C9orf153: variants seen among roughly 807,000 people sequenced by gnomAD.
C9orf153 encodes uncharacterized protein C9orf153.
C9orf153 carries 10 observed loss-of-function variants against 9.0 expected under a neutral mutation model. The observed-to-expected ratio is 1.11, with a 90% CI of 0.69 to 1.89. The LOEUF (loss-of-function observed/expected upper bound fraction) is 1.89. C9orf153 is among the 40% of genes most tolerant of loss of function. The pLI, the probability that C9orf153 is intolerant of heterozygous loss-of-function variation, is 0.00. For missense variants in C9orf153, 108 were observed against 111.0 expected (o/e 0.97, Z 0.12); for synonymous variants, 35 against 37.3 (o/e 0.94, Z 0.23).
intron 1 of C9orf153, among the ~76,000 whole-genome samples, chr9:86,235,365 G>A (rs1824558560): frequency 1.3e-5 from 2 of 152,206 alleles, no homozygotes; most frequent in Non-Finnish European, 2.9e-5. Flanking sequence ...GAGAAATGCA[G>A]AATGCCATTG....
intron 3 of C9orf153, chr9:86,227,302 A>G: frequency 7.0e-7 from 1 of 1,430,538 alleles, no homozygotes; most frequent in Non-Finnish European, 9.1e-7. Flanking sequence ...ACATGCCACC[A>G]AGCTCAGCTA....
At chr9:86,257,989 G>A (rs1478324928) in intron 1 of C9orf153, among the ~76,000 whole-genome samples, 1 of 152,188 alleles carries the variant, frequency 6.6e-6, no homozygotes, top group Non-Finnish European at 1.5e-5. Context: ...AGGCCAGATT[G>A]CTTTCTTGTG....
At chr9:86,243,206 C>A (rs1824787603) in intron 1 of C9orf153, among the ~76,000 whole-genome samples, 2 of 152,090 alleles carry the variant, frequency 1.3e-5, no homozygotes, top group African/African-American at 2.4e-5. Context: ...CATGACAGGC[C>A]CTTTGGGAAC....
chr9:86,254,444 C>T (rs1365084252), intron 1 of C9orf153, among the ~76,000 whole-genome samples: 3 of 152,200 alleles, frequency 2.0e-5, no homozygotes, highest in Non-Finnish European at 2.9e-5. Context: ...AAAATCACCA[C>T]AGCAACTTAT....
At chr9:86,240,746 T>A (rs1587804839) in intron 1 of C9orf153, among the ~76,000 whole-genome samples, 1 of 143,400 alleles carries the variant, frequency 7.0e-6, no homozygotes, top group East Asian at 2.1e-4. Context: ...TCTCCCTCTG[T>A]TGCCCAGGCT....
intron 1 of C9orf153, among the ~76,000 whole-genome samples, chr9:86,231,566 CA>C (rs1824469730): frequency 6.9e-6 from 1 of 144,458 alleles, no homozygotes; most frequent in South Asian, 2.1e-4. Flanking sequence ...CACACACACA[CA>C]AAAACACACA....
intron 3 of C9orf153, among the ~76,000 whole-genome samples, chr9:86,222,157 G>T (rs1175873534): frequency 6.6e-6 from 1 of 151,980 alleles, no homozygotes; most frequent in Non-Finnish European, 1.5e-5. Flanking sequence ...CAAAATACTG[G>T]GATTACAGAA....
At chr9:86,240,433 G>T (rs993800134) in intron 1 of C9orf153, among the ~76,000 whole-genome samples, 3 of 147,558 alleles carry the variant, frequency 2.0e-5, no homozygotes, top group Non-Finnish European at 4.4e-5. Context: ...CTGGAGTGCA[G>T]TGGCGCTATC....
rs556336885 is a variant in C9orf153, at chr9:86,220,387, T to C, written c.*1301A>G. The C allele has an allele frequency of 1.6e-4, 24 of 152,336 alleles. No homozygotes were observed. The highest frequency in any genetic ancestry group is 5.0e-4 in the African/African-American group (21 of 41,586). 9.4% of individuals were successfully genotyped at this position (152,336 alleles called of 1,614,324 possible). Reference sequence around the variant, plus strand: ...AAATACATACTTTATTAGTAGTTTTTTTTAAGCAAGGGATTATGGATAGTA... The same window carrying C: ...AAATACATACTTTATTAGTAGTTTTCTTTAAGCAAGGGATTATGGATAGTA... On this transcript the variant is annotated 3_prime_UTR_variant, in exon 4 of 4. Coordinates refer to ENST00000339137, the MANE Select transcript of C9orf153 (RefSeq NM_001276366.4).
intron 2 of C9orf153, 99 bp from the exon 3 acceptor site, chr9:86,228,129 AC>A: frequency 2.4e-6 from 2 of 840,212 alleles, no homozygotes; most frequent in Non-Finnish European, 3.6e-6. Context: ...ACAATAAATA[AC>A]CATAAAGACA....
In C9orf153 at chr9:86,229,610, G is replaced by T. The variant is rs768116149; in HGVS notation, c.-7C>A. 2.5e-6 allele frequency: 4 copies of T among 1,606,122 alleles called. No homozygotes were observed. The South Asian group carries it at 4.4e-5, about 18-fold the overall frequency. ...TGTCTCCAGTGAGGAACATCGTGCT[G>T]GGATTTTATTCTCTAATTCCTAAAA... On this transcript the variant is annotated 5_prime_UTR_variant, in exon 2 of 4. Coordinates refer to ENST00000339137, the MANE Select transcript of C9orf153 (RefSeq NM_001276366.4).
intron 1 of C9orf153, among the ~76,000 whole-genome samples, chr9:86,240,445 C>T (rs1443777864): frequency 1.4e-5 from 2 of 146,974 alleles, no homozygotes; most frequent in Non-Finnish European, 3.0e-5. Flanking sequence ...GGCGCTATCT[C>T]GGCTCACTGT....
intron 1 of C9orf153, among the ~76,000 whole-genome samples, chr9:86,232,788 A>G (rs951221842): frequency 2.4e-4 from 37 of 152,094 alleles, no homozygotes; most frequent in African/African-American, 8.9e-4. Context: ...GCTGGAGTAC[A>G]GTGGCACAGT....
intron 1 of C9orf153, among the ~76,000 whole-genome samples, chr9:86,248,732 A>T (rs1325930918): frequency 6.6e-6 from 1 of 152,104 alleles, no homozygotes; most frequent in African/African-American, 2.4e-5. Flanking sequence ...GTAGAAAAAA[A>T]AACCTTTAGA....
chr9:86,252,048 G>GTTTTA (rs1283142134), intron 1 of C9orf153, among the ~76,000 whole-genome samples: 3 of 151,474 alleles, frequency 2.0e-5, no homozygotes, highest in African/African-American at 7.3e-5. Flanking sequence ...GTTTTGTTTT[G>GTTTTA]TTTTGAGATG....
chr9:86,253,476 T>A (rs1384897734), intron 1 of C9orf153, among the ~76,000 whole-genome samples: 10 of 152,100 alleles, frequency 6.6e-5, no homozygotes, highest in South Asian at 2.1e-4. Context: ...TTGGCTAGGG[T>A]TCCTAGTTTC....
rs116991392 is a variant in C9orf153 at position 86,227,267 on chromosome 9, C to T, written c.242+588G>A. The T allele has an allele frequency of 1.5e-4, 208 of 1,378,858 alleles. 1 individual carries two copies. The East Asian group carries it at 5.4e-3, about 36-fold the overall frequency. The allele number at this position is 1,378,858 out of a possible 1,614,324, so 85.4% of individuals were successfully genotyped here. A position where few individuals can be genotyped will look rare whatever the true frequency, so the allele number is the denominator to read the frequency against. On this transcript the variant is annotated intron_variant, in intron 3 of 3. Transcript: ENST00000339137. Reference sequence around the variant, plus strand: ...GCTCAAGTGATCCTCCCACCTAAACCTCTCGGGTAGCCGAGATTACAGGCA... The same window carrying T: ...GCTCAAGTGATCCTCCCACCTAAACTTCTCGGGTAGCCGAGATTACAGGCA...
chr9:86,255,777 G>A (rs1435996546), intron 1 of C9orf153, among the ~76,000 whole-genome samples: 1 of 152,158 alleles, frequency 6.6e-6, no homozygotes, highest in Non-Finnish European at 1.5e-5. Context: ...TTTCTCCAGT[G>A]AATCTGCCTT....
Position 86,228,875 on chromosome 9 carries a change from C to T in C9orf153, c.66+663G>A, listed in dbSNP as rs112078613. 538 of 219,134 alleles carry T rather than the reference C, an allele frequency of 2.5e-3. 4 individuals are homozygous for T. Among genetic ancestry groups the T allele is most frequent in the African/African-American group, 0.012 (502 of 43,510 alleles). 13.6% of individuals were successfully genotyped at this position (219,134 alleles called of 1,614,324 possible). A position where few individuals can be genotyped will look rare whatever the true frequency, so the allele number is the denominator to read the frequency against. ...CGTCTTCCAGAATGTCAAGAGTCTG[C>T]GGCTACAGAGGCTACACAAGTGGTC... is the stretch of plus-strand genomic sequence containing the variant. On this transcript the variant is annotated intron_variant, in intron 2 of 3. Coordinates refer to ENST00000339137, the MANE Select transcript of C9orf153 (RefSeq NM_001276366.4).
Sources: gnomAD v4.1 joint callset for allele counts (sites outside exome capture counted in the v4.1 genomes callset) on GRCh38, gnomAD v4.1.1 for gene constraint, MANE v1.5 for transcripts, NCBI Gene and HGNC (gene_info 2026-07-23, HGNC 2026-07-21) for gene names.